Variants in ARAP1 observed in about 807,000 individuals in gnomAD.
ARAP1 encodes the protein arf-GAP with Rho-GAP domain, ANK repeat and PH domain-containing protein 1.
A neutral mutation model predicts 172.2 loss-of-function variants in ARAP1; 76 were observed. The ratio of observed to expected loss-of-function variants is 0.44; its 90% CI spans 0.37 to 0.53. ARAP1 has a LOEUF of 0.53. Ranked by LOEUF, ARAP1 falls within the 20% of genes least tolerant of loss-of-function variation. ARAP1 has a pLI of 0.00. For synonymous variants in ARAP1, 804 were observed against 803.3 expected, an observed-to-expected ratio of 1.00 and a Z score of -0.01; for missense variants, 1,686 against 1,977.5, an observed-to-expected ratio of 0.85 and a Z score of 2.80.
rs1650703478 is a variant in ARAP1, at chr11:72,741,686, G to C, written c.-127-9089C>G. On this transcript the variant is annotated intron_variant, in intron 1 of 34. Transcript: ENST00000393609. This position sits in a 1 kb window ranked among gnomAD's most constrained non-coding sequence, Gnocchi z 4.5. ...GAGACAGGGCTGACCGCAGCAGGGT[G>C]GGAGTGCACAGGGCTGACCACAGAA... 6.6e-6 allele frequency among the ~76,000 whole-genome samples: 1 copy of C among 152,178 alleles called. No homozygotes were observed. Among genetic ancestry groups the C allele is most frequent in the Non-Finnish European group, 1.5e-5 (1 of 68,012 alleles).
At chr11:72,748,401 T>G (rs1858436064) in intron 1 of ARAP1, among the ~76,000 whole-genome samples, 1 of 151,662 alleles carries the variant, frequency 6.6e-6, no homozygotes, top group South Asian at 2.1e-4. Context: ...GTGCCTGTAA[T>G]CCCAGCTACT....
intron 27 of ARAP1, among the ~76,000 whole-genome samples, chr11:72,694,105 G>A (rs1469640849): frequency 3.6e-5 from 2 of 55,964 alleles, no homozygotes; most frequent in Non-Finnish European, 6.9e-5. Context: ...ACCACCACCC[G>A]CCAGGCTGCT....
intron 30 of ARAP1, among the ~76,000 whole-genome samples, chr11:72,690,898 T>C (rs1855907449): frequency 6.6e-6 from 1 of 152,200 alleles, no homozygotes; most frequent in Non-Finnish European, 1.5e-5. Context: ...CCTGAGATTG[T>C]CCCAATTTCA....
At chr11:72,730,089 G>C (rs1362650054) in intron 2 of ARAP1, among the ~76,000 whole-genome samples, 1 of 152,118 alleles carries the variant, frequency 6.6e-6, no homozygotes. Context: ...CAACAAACTA[G>C]GGGATATCTG....
rs1856145530 is a variant in ARAP1 at position 72,695,483 on chromosome 11, GC to G, written c.3508-29del. The G allele has an allele frequency of 6.2e-7, 1 of 1,614,202 alleles. No individual in the cohort carries two copies. Among genetic ancestry groups the G allele is most frequent in the East Asian group, 2.2e-5 (1 of 44,892 alleles). The stretch of plus-strand genomic sequence containing the variant: ...GCAGGGAGACAGGGCTCAGCTGGGG[GC>G]CTAGGAAATGGGTGCAGGTGGCAGG... On this transcript the variant is annotated intron_variant, in intron 25 of 34. Transcript: ENST00000393609. The surrounding 1 kb of genome is among the most constrained non-coding windows in gnomAD (Gnocchi z 4.4).
At position 72,693,789 on chromosome 11, in the gene ARAP1, A is replaced by C; in HGVS notation, c.3711T>G (p.Phe1237Leu). 1 of 1,606,374 alleles carries C rather than the reference A, an allele frequency of 6.2e-7. No individual in the cohort carries two copies. Among genetic ancestry groups the C allele is most frequent in the Non-Finnish European group, 8.5e-7 (1 of 1,176,700 alleles). Reference sequence around the variant, plus strand: ...GCAGGATGGGCAGCACCTTCTCCGCAAAGTGCAGGGGGCGCTCTGGGGAGA... The same window carrying C: ...GCAGGATGGGCAGCACCTTCTCCGCCAAGTGCAGGGGGCGCTCTGGGGAGA... ...EREEAERPLH[F>L]AEKVLPILHG... Residue 1237 changes from phenylalanine to leucine, a missense_variant, in exon 28 of 35, where the codon TTT becomes TTG. Physicochemically the swap from Phe to Leu is conservative, Grantham distance 22. Around this residue, in one of 5 missense-constraint regions of ARAP1, gnomAD observed 379 missense variants for 500.1 expected, o/e 0.76. Coordinates refer to ENST00000393609, the MANE Select transcript of ARAP1 (RefSeq NM_001040118.3). This position sits in a 1 kb window ranked among gnomAD's most constrained non-coding sequence, Gnocchi z 4.6.
intron 1 of ARAP1, among the ~76,000 whole-genome samples, chr11:72,748,132 A>C (rs1035349344): frequency 1.3e-5 from 2 of 152,224 alleles, no homozygotes; most frequent in African/African-American, 4.8e-5. Flanking sequence ...TTGAGGATTA[A>C]ATGAATTCAG....
At chr11:72,745,033 T>TTTC (rs1858313095) in intron 1 of ARAP1, among the ~76,000 whole-genome samples, 1 of 152,140 alleles carries the variant, frequency 6.6e-6, no homozygotes, top group Non-Finnish European at 1.5e-5. Flanking sequence ...ACCCCAGAGC[T>TTTC]TTCCTGTTAT....
At chr11:72,717,493 C>T (rs895884939) in intron 3 of ARAP1, among the ~76,000 whole-genome samples, 6 of 152,280 alleles carry the variant, frequency 3.9e-5, no homozygotes, top group South Asian at 2.1e-4. Flanking sequence ...CCCTGGGGTC[C>T]GGCAGCATCA....
intron 5 of ARAP1, 117 bp downstream of exon 5, chr11:72,713,059 G>A: frequency 9.1e-7 from 1 of 1,103,930 alleles, no homozygotes; most frequent in East Asian, 2.4e-5. Flanking sequence ...GTGGGGGAAG[G>A]GGAAGCCTCC....
chr11:72,712,050 C>T lies in ARAP1; in HGVS notation c.1022+146G>A, dbSNP rs1056376843. 3 of 1,168,358 alleles carry T rather than the reference C, an allele frequency of 2.6e-6. No homozygotes were observed. In the African/African-American group the frequency reaches 4.7e-5, roughly 18 times the overall value. 72.4% of individuals were successfully genotyped at this position (1,168,358 alleles called of 1,614,324 possible). ...GTCTGGAGGGAATCATCAGTGGTCA[C>T]AGTGTGCCTGGAGGGAGACCTGTGC... On this transcript the variant is annotated intron_variant, in intron 7 of 34. Transcript: ENST00000393609.
chr11:72,710,903 T>A lies in ARAP1; in HGVS notation c.1213+118A>T. 1 of 1,550,968 alleles carries A rather than the reference T, an allele frequency of 6.4e-7. No individual in the cohort carries two copies. The highest frequency in any genetic ancestry group is 1.7e-4 in the Middle Eastern group (1 of 5,772). ...GCCCACCTCACAAAGGCAGCATGCCTCCCCGGATGTGATGTGAGAGGGCAG... is the reference window on the plus strand; with the variant it reads ...GCCCACCTCACAAAGGCAGCATGCCACCCCGGATGTGATGTGAGAGGGCAG... On this transcript the variant is annotated intron_variant, in intron 9 of 34. Transcript: ENST00000393609. The surrounding 1 kb of genome is among the most constrained non-coding windows in gnomAD (Gnocchi z 4.3).
chr11:72,695,254 C>T lies in ARAP1; in HGVS notation c.3576+133G>A. ...TCTGAGTGGTCCTTAGGAGCAGACCCCAGCACCAGCCAGATACAGGTCCCA... is the reference window on the plus strand; with the variant it reads ...TCTGAGTGGTCCTTAGGAGCAGACCTCAGCACCAGCCAGATACAGGTCCCA... On this transcript the variant is annotated intron_variant, in intron 26 of 34. Transcript: ENST00000393609. This position sits in a 1 kb window ranked among gnomAD's most constrained non-coding sequence, Gnocchi z 4.4. 7.4e-7 allele frequency: 1 copy of T among 1,357,178 alleles called. No individual in the cohort carries two copies. The highest frequency in any genetic ancestry group is 1.0e-6 in the Non-Finnish European group (1 of 967,326). 84.1% of individuals were successfully genotyped at this position (1,357,178 alleles called of 1,614,324 possible).
At chr11:72,691,532 G>T (rs1565209219) in intron 30 of ARAP1, among the ~76,000 whole-genome samples, 1 of 152,232 alleles carries the variant, frequency 6.6e-6, no homozygotes, top group Non-Finnish European at 1.5e-5. Context: ...AAGGAGAGAA[G>T]AGACGGTGTT....
intron 18 of ARAP1, 120 bp downstream of exon 18, chr11:72,698,885 G>T: frequency 9.5e-7 from 1 of 1,056,116 alleles, no homozygotes; most frequent in Non-Finnish European, 1.4e-6. Context: ...CTCCATGTCT[G>T]CTGCCCTGCA....
chr11:72,685,701 C>T lies in ARAP1; in HGVS notation c.4336-20G>A, dbSNP rs575765918. ...CAGAAGCTGCAGGAAGGCAAGAGAC[C>T]CACAGGTATTTTGTGAAGGCCCAGA... On this transcript the variant is annotated intron_variant, in intron 34 of 34. Coordinates refer to ENST00000393609, the MANE Select transcript of ARAP1 (RefSeq NM_001040118.3). 1 of 1,613,990 alleles carries T rather than the reference C, an allele frequency of 6.2e-7. No individual in the cohort carries two copies. Among genetic ancestry groups the T allele is most frequent in the Admixed American group, 1.7e-5 (1 of 60,022 alleles).
At position 72,712,253 on chromosome 11, in the gene ARAP1, G is replaced by C. The variant is rs1443242276; in HGVS notation, c.965C>G (p.Ser322Cys). ...PHPMDGPPGG[S>C]TPVTPVIKAG... ...CTTGATGACTGGTGTGACGGGGGTG[G>C]AGCCCCCAGGCGGCCCGTCCATGGG... The change falls in exon 7 of 35, where the codon TCC (serine) becomes TGC (cysteine). Residue 322 changes from serine (S) to cysteine (C), a missense_variant. Transcript: ENST00000393609. 1.2e-6 allele frequency: 2 copies of C among 1,606,520 alleles called. No individual in the cohort carries two copies. Among genetic ancestry groups the C allele is most frequent in the African/African-American group, 2.7e-5 (2 of 74,724 alleles).
At chr11:72,716,878 T>C in intron 3 of ARAP1, among the ~76,000 whole-genome samples, 1 of 152,212 alleles carries the variant, frequency 6.6e-6, no homozygotes, top group East Asian at 1.9e-4. Flanking sequence ...TCTGGGAATC[T>C]GGGGCCAAGG....
At position 72,695,011 on chromosome 11, in the gene ARAP1, G is replaced by A. The variant is rs562287909; in HGVS notation, c.3663C>T (p.Thr1221=). 1.2e-6 allele frequency: 2 copies of A among 1,614,106 alleles called. No individual in the cohort carries two copies. The highest frequency in any genetic ancestry group is 2.2e-5 in the East Asian group (1 of 44,886). The change falls in exon 27 of 35, where the codon ACC becomes ACT. Residue 1221 remains threonine, a synonymous_variant. Transcript: ENST00000393609. This position sits in a 1 kb window ranked among gnomAD's most constrained non-coding sequence, Gnocchi z 4.4. The part of the protein sequence containing the change: ...NVGIREKDYW[T]CFEVNEREEA... ...CCTCCCTCTCGTTGACCTCAAAGCA[G>A]GTCCAATAGTCCTTCTCCCTGATGC...
Sources: gnomAD v4.1 joint callset for allele counts (sites outside exome capture counted in the v4.1 genomes callset) on GRCh38, gnomAD v4.1.1 for gene constraint, gnomAD v4.1.1 regional missense constraint, Gnocchi (gnomAD v3.1) non-coding constraint, MANE v1.5 for transcripts, NCBI Gene and HGNC (gene_info 2026-07-23, HGNC 2026-07-21) for gene names.